The following CYFIP1 variants were observed in gnomAD, a reference collection of about 807,000 sequenced individuals.
The protein encoded by CYFIP1 is cytoplasmic FMR1 interacting protein 1, also known as cytoplasmic FMR1-interacting protein 1.
Under a neutral mutation model 163.5 loss-of-function variants are expected in CYFIP1, and 58 were observed. The observed-to-expected ratio is 0.35, with a 90% CI of 0.29 to 0.44. CYFIP1 has a LOEUF of 0.44. Ranked by LOEUF, CYFIP1 falls within the 20% of genes least tolerant of loss-of-function variation. The pLI, the probability that CYFIP1 is intolerant of heterozygous loss-of-function variation, is 1.00. For missense variants in CYFIP1, 1,338 were observed against 1,653.8 expected (o/e 0.81, Z 3.31); for synonymous variants, 663 against 660.7 (o/e 1.00, Z -0.05).
At chr15:22,909,111 G>T (rs1305178393) in intron 21 of CYFIP1, 83 bp downstream of exon 21, 1 of 1,560,766 alleles carries the variant, frequency 6.4e-7, no homozygotes, top group Admixed American at 1.7e-5. Flanking sequence ...CACGCCCGAT[G>T]AGTGCATCTC....
intron 21 of CYFIP1, among the ~76,000 whole-genome samples, chr15:22,906,113 T>A (rs561327538): frequency 6.6e-6 from 1 of 151,864 alleles, no homozygotes; most frequent in Non-Finnish European, 1.5e-5. Context: ...CGATTTATTT[T>A]TTTTTTTCTT....
intron 22 of CYFIP1, among the ~76,000 whole-genome samples, chr15:22,896,301 A>C (rs2060233722): frequency 6.6e-6 from 1 of 152,104 alleles, no homozygotes; most frequent in Non-Finnish European, 1.5e-5. Context: ...GCTAGGCCCA[A>C]CAGTGGCTCT....
chr15:22,961,801 T>G (rs1172979648), intron 1 of CYFIP1, among the ~76,000 whole-genome samples: 1 of 152,214 alleles, frequency 6.6e-6, no homozygotes, highest in Non-Finnish European at 1.5e-5. Flanking sequence ...CTAACAACGT[T>G]AAAGATATTA....
chr15:22,959,491 C>T (rs1240922021), intron 1 of CYFIP1, among the ~76,000 whole-genome samples: 1 of 152,232 alleles, frequency 6.6e-6, no homozygotes, highest in Non-Finnish European at 1.5e-5. Context: ...CGTGGCTTGC[C>T]TCACGTGCCT....
At chr15:22,973,191 G>C (rs976540429) in intron 1 of CYFIP1, among the ~76,000 whole-genome samples, 1 of 151,852 alleles carries the variant, frequency 6.6e-6, no homozygotes, top group African/African-American at 2.4e-5. Flanking sequence ...GTGCACACCT[G>C]TAGTGCCAGG....
chr15:22,903,841 A>G lies in CYFIP1; in HGVS notation c.2453T>C (p.Leu818Pro), dbSNP rs751224978. 1.2e-6 allele frequency: 2 copies of G among 1,614,176 alleles called. No individual in the cohort carries two copies. Among genetic ancestry groups the G allele is most frequent in the South Asian group, 2.2e-5 (2 of 91,088 alleles). Residue 818 changes from leucine (L) to proline (P), a missense_variant, in exon 22 of 31, where the codon CTG becomes CCG. Physicochemically the swap from Leu to Pro is moderately conservative, Grantham distance 98 (BLOSUM62 -3). Coordinates refer to ENST00000617928, the MANE Select transcript of CYFIP1 (RefSeq NM_014608.6). The part of the protein sequence containing the change: ...THKLLSRYLT[L>P]DGFDAMFREA... ...CCGGAACATGGCGTCGAAGCCGTCCAGCGTCAGGTACCGGCTCAGCAGCTT... is the reference window on the plus strand; with the variant it reads ...CCGGAACATGGCGTCGAAGCCGTCCGGCGTCAGGTACCGGCTCAGCAGCTT...
chr15:22,868,434 A>G lies in CYFIP1; in HGVS notation c.*1594T>C, dbSNP rs1266327970. On this transcript the variant is annotated 3_prime_UTR_variant, in exon 31 of 31. Coordinates refer to ENST00000617928, the MANE Select transcript of CYFIP1 (RefSeq NM_014608.6). ...ATACCTAAGGTATTACATATTTGGT[A>G]TATAATTAAGCCTTATAAAACTTGG... The G allele has an allele frequency of 1.3e-5, 2 of 152,136 alleles. No individual in the cohort carries two copies. The highest frequency in any genetic ancestry group is 2.9e-5 in the Non-Finnish European group (2 of 68,048). 9.4% of individuals were successfully genotyped at this position (152,136 alleles called of 1,614,324 possible).
chr15:22,931,039 A>ACATACCTG (rs921008212), intron 11 of CYFIP1, among the ~76,000 whole-genome samples: 4 of 152,034 alleles, frequency 2.6e-5, no homozygotes, highest in African/African-American at 9.7e-5. Flanking sequence ...AGGTGCCCCA[A>ACATACCTG]CATACCTGGA....
chr15:22,957,081 C>T (rs113445626), intron 1 of CYFIP1, among the ~76,000 whole-genome samples: 9 of 152,238 alleles, frequency 5.9e-5, no homozygotes, highest in Non-Finnish European at 8.8e-5. Flanking sequence ...GCCACGCAGG[C>T]GGCAGTGCTG....
Position 22,869,364 on chromosome 15 carries a change from T to TG in CYFIP1, c.*663_*664insC, listed in dbSNP as rs2059353700. Reference sequence around the variant, plus strand: ...TCACGGTCCCATCCCACCTCAGCCTTAGAGGTGACCTCCATCCCAGCTGGC... The same window carrying TG: ...TCACGGTCCCATCCCACCTCAGCCTTGAGAGGTGACCTCCATCCCAGCTGGC... On this transcript the variant is annotated 3_prime_UTR_variant, in exon 31 of 31. Coordinates refer to ENST00000617928, the MANE Select transcript of CYFIP1 (RefSeq NM_014608.6). The TG allele has an allele frequency of 6.6e-6, 1 of 152,130 alleles. No homozygotes were observed. The highest frequency in any genetic ancestry group is 2.4e-5 in the African/African-American group (1 of 41,398). The allele number at this position is 152,130 out of a possible 1,614,324, so 9.4% of individuals were successfully genotyped here.
intron 6 of CYFIP1, 49 bp from the exon 7 acceptor site, chr15:22,939,556 TTAAAAAAAAAAAAAA>T: frequency 9.8e-6 from 4 of 408,544 alleles, no homozygotes; most frequent in Non-Finnish European, 1.1e-5. Context: ...CGTGCCACAT[TTAAAAAAAAAAAAAA>T]AAAAAAAAAA....
intron 25 of CYFIP1, among the ~76,000 whole-genome samples, chr15:22,881,562 A>T (rs910118379): frequency 6.6e-6 from 1 of 151,864 alleles, no homozygotes; most frequent in Non-Finnish European, 1.5e-5. Context: ...GGGCAGCAGG[A>T]CCCAGCAGTC....
chr15:22,908,296 C>T lies in CYFIP1; in HGVS notation c.2388+898G>A, dbSNP rs527803642. 3.2e-4 allele frequency among the ~76,000 whole-genome samples: 49 copies of T among 152,082 alleles called. 2 individuals carry two copies. In the South Asian group the frequency reaches 9.3e-3, roughly 29 times the overall value. Reference sequence around the variant, plus strand: ...GGAAGCGGCTTGCCTCTGTAGGCTCCGTGAGACAGCCGAAAAATGGGTGAG... The same window carrying T: ...GGAAGCGGCTTGCCTCTGTAGGCTCTGTGAGACAGCCGAAAAATGGGTGAG... On this transcript the variant is annotated intron_variant, in intron 21 of 30. Coordinates refer to ENST00000617928, the MANE Select transcript of CYFIP1 (RefSeq NM_014608.6).
In CYFIP1 at chr15:22,882,914, C is replaced by A; in HGVS notation, c.2774G>T (p.Gly925Val). The change falls in exon 24 of 31, where the codon GGT (glycine) becomes GTT (valine). Residue 925 changes from glycine to valine, a missense_variant. This residue lies in a region of CYFIP1 where 824 missense variants were observed against 995.7 expected (regional missense o/e 0.83). Transcript: ENST00000617928. ...CAGCTCCTCCATGACCACGGCGATA[C>A]CCTGGTAGCCGAGAAGCCGGCAGAT... ...QVICRLLGYQGIAVVMEELLK... is the reference protein window; with the variant it reads ...QVICRLLGYQVIAVVMEELLK... 1 of 1,614,032 alleles carries A rather than the reference C, an allele frequency of 6.2e-7. No individual in the cohort carries two copies. Among genetic ancestry groups the A allele is most frequent in the Non-Finnish European group, 8.5e-7 (1 of 1,179,952 alleles).
In CYFIP1 at chr15:22,928,006, T is replaced by G. The variant is rs745458370; in HGVS notation, c.1133A>C (p.Gln378Pro). ...NSEVVTGSGR[Q>P]EAQKTDAEYR... is the part of the protein sequence containing the mutation. ...CTCCGCGTCCGTCTTCTGGGCCTCC[T>G]GGCGGCCCGAGCCCGTGACCACCTG... Residue 378 changes from glutamine to proline, a missense_variant, in exon 12 of 31, where the codon CAG becomes CCG. Around this residue, in one of 4 missense-constraint regions of CYFIP1, gnomAD observed 824 missense variants for 995.7 expected, o/e 0.83. Transcript: ENST00000617928. 2.5e-6 allele frequency: 4 copies of G among 1,578,620 alleles called. No individual in the cohort carries two copies. In the East Asian group the frequency reaches 9.3e-5, roughly 37 times the overall value.
At chr15:22,970,156 G>T (rs964818989) in intron 1 of CYFIP1, among the ~76,000 whole-genome samples, 1 of 152,142 alleles carries the variant, frequency 6.6e-6, no homozygotes, top group Non-Finnish European at 1.5e-5. Context: ...AAAAGATGAA[G>T]AATGTAGTGT....
At chr15:22,882,116 G>A (rs570224654) in intron 24 of CYFIP1, among the ~76,000 whole-genome samples, 180 bp from the exon 25 acceptor site, 15 of 152,336 alleles carry the variant, frequency 9.8e-5, no homozygotes, top group African/African-American at 3.6e-4. Flanking sequence ...TCACCAGGTG[G>A]CTTCCCATGA....
At chr15:22,911,182 G>GA (rs1038875894) in intron 18 of CYFIP1, among the ~76,000 whole-genome samples, 8 of 152,058 alleles carry the variant, frequency 5.3e-5, no homozygotes, top group African/African-American at 1.9e-4. Flanking sequence ...CCTCAAAAAA[G>GA]AAAAATAAAC....
chr15:22,973,721 C>A (rs2063176386), intron 1 of CYFIP1, among the ~76,000 whole-genome samples: 1 of 152,090 alleles, frequency 6.6e-6, no homozygotes, highest in South Asian at 2.1e-4. Flanking sequence ...GGGATTACAT[C>A]AAACTAAAAA....
Sources: gnomAD v4.1 joint callset for allele counts (sites outside exome capture counted in the v4.1 genomes callset) on GRCh38, gnomAD v4.1.1 for gene constraint, gnomAD v4.1.1 regional missense constraint, MANE v1.5 for transcripts, NCBI Gene and HGNC (gene_info 2026-07-23, HGNC 2026-07-21) for gene names.